LAMA2: variants seen among roughly 807,000 people sequenced by gnomAD.
LAMA2 encodes the protein laminin subunit alpha 2, also known as laminin subunit alpha-2.
In LAMA2, 269 loss-of-function variants were observed where a neutral mutation model predicts 364.8. The observed-to-expected ratio is 0.74, with a 90% CI of 0.67 to 0.82. The LOEUF is 0.82. Among genes scored for constraint, LAMA2 ranks in the 40% least tolerant of loss-of-function variants. The probability of loss-of-function intolerance (pLI) is 0.00; values close to 1 mark genes in which losing one functional copy is unlikely to be tolerated. For synonymous variants in LAMA2, 1,379 were observed against 1,370.6 expected (o/e 1.01, Z -0.14); for missense variants, 3,807 against 3,873.2 (o/e 0.98, Z 0.45).
At chr6:129,314,850 G>T (rs755109992) in intron 24 of LAMA2, 52 bp downstream of exon 24, 26 of 1,596,788 alleles carry the variant, frequency 1.6e-5, no homozygotes, top group Non-Finnish European at 2.0e-5. Context: ...GTTCCTGCTG[G>T]TGTCTTTTAG....
At chr6:129,458,616 T>C (rs1783089928) in intron 48 of LAMA2, among the ~76,000 whole-genome samples, 1 of 151,958 alleles carries the variant, frequency 6.6e-6, no homozygotes. Context: ...TTCAGAGTGA[T>C]GACAGAGCAT....
chr6:129,088,647 G>C (rs961818087), intron 3 of LAMA2, among the ~76,000 whole-genome samples: 5 of 149,034 alleles, frequency 3.4e-5, no homozygotes, highest in Non-Finnish European at 4.5e-5. Context: ...GTAGCTGCCG[G>C]GCGGAGGGGC....
rs189897267 is a variant in LAMA2 at position 128,935,404 on chromosome 6, T to C, written c.112+52047T>C. ...TGCAAAGGACATAAACTCATCTTTT[T>C]TATGACTCTGTAGTATTCCATGGTG... On this transcript the variant is annotated intron_variant, in intron 1 of 64. Transcript: ENST00000421865. Among the ~76,000 whole-genome samples, 69 of 152,274 alleles carry C rather than the reference T, an allele frequency of 4.5e-4. 2 individuals are homozygous for C. Among genetic ancestry groups the C allele is most frequent in the African/African-American group, 1.6e-3 (67 of 41,550 alleles).
intron 1 of LAMA2, among the ~76,000 whole-genome samples, chr6:128,954,729 C>G (rs1781039317): frequency 6.6e-6 from 1 of 151,862 alleles, no homozygotes; most frequent in South Asian, 2.1e-4. Context: ...GGTGAAAAAA[C>G]TACAAAATCA....
intron 1 of LAMA2, among the ~76,000 whole-genome samples, chr6:128,934,288 C>G (rs962907382): frequency 6.6e-6 from 1 of 152,058 alleles, no homozygotes; most frequent in Non-Finnish European, 1.5e-5. Flanking sequence ...TTTCATTGGT[C>G]TATATGTCTG....
intron 19 of LAMA2, among the ~76,000 whole-genome samples, chr6:129,290,924 A>G (rs932494082): frequency 2.9e-4 from 44 of 152,208 alleles, no homozygotes; most frequent in African/African-American, 1.0e-3. Flanking sequence ...GTCTTAAGAT[A>G]CTTGAAATGA....
At chr6:128,962,193 TACACACACAC>T (rs1375990983) in intron 1 of LAMA2, among the ~76,000 whole-genome samples, 2 of 109,732 alleles carry the variant, frequency 1.8e-5, no homozygotes, top group Non-Finnish European at 3.8e-5. Context: ...TATACACACA[TACACACACAC>T]ATACACATAT....
At position 129,270,286 on chromosome 6, in the gene LAMA2, C is replaced by T. The variant is rs905294003; in HGVS notation, c.2323-338C>T. Among the ~76,000 whole-genome samples, 8 of 150,962 alleles carry T rather than the reference C, an allele frequency of 5.3e-5. No homozygotes were observed. The South Asian group carries it at 1.5e-3, about 28-fold the overall frequency. On this transcript the variant is annotated intron_variant, in intron 16 of 64. Coordinates refer to ENST00000421865, the MANE Select transcript of LAMA2 (RefSeq NM_000426.4). ...ATGACTACACACACACACACACACA[C>T]ACACACACACACACACACACACACA... is the stretch of plus-strand genomic sequence containing the variant.
intron 32 of LAMA2, among the ~76,000 whole-genome samples, chr6:129,363,809 C>T (rs1422271367): frequency 1.3e-5 from 2 of 152,138 alleles, no homozygotes; most frequent in Non-Finnish European, 2.9e-5. Flanking sequence ...GACTGTGGAT[C>T]TTGGTGTTTA....
Position 129,375,350 on chromosome 6 carries a change from A to G in LAMA2, c.4959+5360A>G, listed in dbSNP as rs150198034. Among the ~76,000 whole-genome samples the G allele has an allele frequency of 4.1e-3, 622 of 152,160 alleles. 2 individuals carry two copies. The highest frequency in any genetic ancestry group is 0.014 in the African/African-American group (595 of 41,504). On this transcript the variant is annotated intron_variant, in intron 34 of 64. Coordinates refer to ENST00000421865, the MANE Select transcript of LAMA2 (RefSeq NM_000426.4). The stretch of plus-strand genomic sequence containing the variant: ...GATGACTCTACTTACCTCTATAGCT[A>G]TTGTCCTTAGCTCCTTTCTTTTTTC...
At chr6:129,136,517 A>G (rs972306960) in intron 4 of LAMA2, among the ~76,000 whole-genome samples, 4 of 150,306 alleles carry the variant, frequency 2.7e-5, no homozygotes, top group Non-Finnish European at 5.9e-5. Context: ...AGAGAGACAG[A>G]GAGAGAGAGA....
intron 9 of LAMA2, among the ~76,000 whole-genome samples, chr6:129,172,835 G>A (rs182787515): frequency 1.1e-3 from 172 of 152,296 alleles, no homozygotes; most frequent in African/African-American, 4.0e-3. Flanking sequence ...CTCCATGGGC[G>A]TAGGACCCTC....
At chr6:129,286,573 ATAT>A (rs1789147590) in intron 18 of LAMA2, among the ~76,000 whole-genome samples, 1 of 1,618 alleles carries the variant, frequency 6.2e-4, no homozygotes, top group Admixed American at 0.019. Flanking sequence ...ATATTATATT[ATAT>A]TTATATAATA....
intron 28 of LAMA2, among the ~76,000 whole-genome samples, chr6:129,326,793 T>A (rs1393979796): frequency 6.9e-6 from 1 of 144,850 alleles, no homozygotes; most frequent in Non-Finnish European, 1.5e-5. Flanking sequence ...TATATATATA[T>A]AATTAATATA....
At chr6:128,912,010 A>G (rs1778001715) in intron 1 of LAMA2, among the ~76,000 whole-genome samples, 1 of 152,192 alleles carries the variant, frequency 6.6e-6, no homozygotes, top group Admixed American at 6.5e-5. Context: ...TTTCCGTTGA[A>G]TGAATGTACC....
In LAMA2 at chr6:129,516,391, T is replaced by TATC; in HGVS notation, c.*46_*48dup. On this transcript the variant is annotated 3_prime_UTR_variant, in exon 65 of 65. Coordinates refer to ENST00000421865, the MANE Select transcript of LAMA2 (RefSeq NM_000426.4). ...CAGGAAGAGTCTGTCAAAACAAGTA[T>TATC]ATCAAGTAAAACAAACAAATATATT... 1.9e-6 allele frequency: 3 copies of TATC among 1,580,618 alleles called. No homozygotes were observed. Among genetic ancestry groups the TATC allele is most frequent in the Non-Finnish European group, 2.6e-6 (3 of 1,152,658 alleles).
In LAMA2 at chr6:129,473,350, G is replaced by C. The variant is rs1353846096; in HGVS notation, c.7437G>C (p.Leu2479Phe). Reference protein sequence around the residue: ...YFGGLPTLRNLSMKARPEVNL... With the variant: ...YFGGLPTLRNFSMKARPEVNL... ...GTGGCCTGCCAACGCTGAGAAACTT[G>C]AGGTAATTTAGTTTATATGTAAAGC... Residue 2479 changes from leucine (L) to phenylalanine (F), a missense_variant and splice_region_variant, in exon 52 of 65, where the codon TTG becomes TTC. Physicochemically the swap from Leu to Phe is conservative, Grantham distance 22. Coordinates refer to ENST00000421865, the MANE Select transcript of LAMA2 (RefSeq NM_000426.4). The C allele has an allele frequency of 6.2e-7, 1 of 1,611,978 alleles. No individual in the cohort carries two copies. The highest frequency in any genetic ancestry group is 1.3e-5 in the African/African-American group (1 of 74,824).
rs756615608 is a variant in LAMA2 at position 129,440,767 on chromosome 6, C to G, written c.6086-49C>G. 3 of 1,539,438 alleles carry G rather than the reference C, an allele frequency of 1.9e-6. No homozygotes were observed. The South Asian group carries it at 3.4e-5, about 17-fold the overall frequency. On this transcript the variant is annotated intron_variant, in intron 42 of 64. Coordinates refer to ENST00000421865, the MANE Select transcript of LAMA2 (RefSeq NM_000426.4). ...GCTTTGTCAAGCATGGATTAAGCCA[C>G]TAACTCCACACCCTTTGTTTTGTTT...
chr6:129,177,135 A>C (rs1394069417), intron 9 of LAMA2, among the ~76,000 whole-genome samples: 1 of 152,224 alleles, frequency 6.6e-6, no homozygotes, highest in African/African-American at 2.4e-5. Context: ...TAAAAAAGTA[A>C]ATTTAAACTT....
Sources: allele counts gnomAD v4.1 joint callset (sites outside exome capture counted in the v4.1 genomes callset), GRCh38; gene constraint gnomAD v4.1.1; transcripts MANE v1.5; gene names NCBI Gene and HGNC (gene_info 2026-07-23, HGNC 2026-07-21).